NLRC5: variants seen among roughly 807,000 people sequenced by gnomAD.
NLRC5 encodes the protein protein NLRC5.
In NLRC5, 114 loss-of-function variants were observed where a neutral mutation model predicts 206.9. That is an observed-to-expected ratio of 0.55 (90% confidence interval 0.47 to 0.64). The LOEUF is 0.64. NLRC5 is among the 30% of genes least tolerant of loss of function. NLRC5 has a pLI of 0.00. For synonymous variants in NLRC5, 952 were observed against 962.8 expected (o/e 0.99, Z 0.21); for missense variants, 2,008 against 2,305.5 (o/e 0.87, Z 2.64).
chr16:57,071,773 G>A (rs527276936), intron 38 of NLRC5, among the ~76,000 whole-genome samples: 3 of 149,878 alleles, frequency 2.0e-5, no homozygotes, highest in Non-Finnish European at 4.5e-5. Context: ...AGTTGTGAGT[G>A]AGTGGTGGGG....
rs974091641 is a variant in NLRC5 at position 57,069,894 on chromosome 16, C to T, written c.4558C>T (p.His1520Tyr). ...CGCCCACCTGGCATCTGGTCTGGGC[C>T]ACTGCCACCACTTGGAGGAGCTGGA... ...GLAHLASGLG[H>Y]CHHLEELDLS... Residue 1520 changes from histidine (H) to tyrosine (Y), a missense_variant, in exon 37 of 49, where the codon CAC (histidine) becomes TAC (tyrosine). By Grantham distance (83) the His-to-Tyr change is moderately conservative. Coordinates refer to ENST00000688547, the MANE Select transcript of NLRC5 (RefSeq NM_001384950.1). 6.3e-7 allele frequency: 1 copy of T among 1,586,740 alleles called. No individual in the cohort carries two copies. Among genetic ancestry groups the T allele is most frequent in the Non-Finnish European group, 8.6e-7 (1 of 1,167,164 alleles).
At chr16:57,032,243 TA>T (rs76285413) in intron 11 of NLRC5, among the ~76,000 whole-genome samples, 17 of 145,684 alleles carry the variant, frequency 1.2e-4, no homozygotes, top group African/African-American at 1.3e-4. Context: ...ACCCCATCTC[TA>T]AAAAAAAAAG....
At chr16:57,044,403 G>A (rs551129026) in intron 20 of NLRC5, among the ~76,000 whole-genome samples, 1 of 152,220 alleles carries the variant, frequency 6.6e-6, no homozygotes, top group Admixed American at 6.5e-5. Context: ...GAATATAAAA[G>A]GGGAGGCACC....
chr16:57,069,736 A>G (rs1319325411), intron 36 of NLRC5, 100 bp from the exon 37 acceptor site: 2 of 916,538 alleles, frequency 2.2e-6, no homozygotes. Context: ...ATTGCCCGCC[A>G]CATCCCTACC....
chr16:57,077,415 G>T (rs764026521), intron 41 of NLRC5, 36 bp downstream of exon 41: 3 of 1,569,588 alleles, frequency 1.9e-6, no homozygotes, highest in Non-Finnish European at 2.6e-6. Context: ...GGCCACAGGG[G>T]TCACACGATG....
chr16:57,060,425 A>C (rs918132293), intron 30 of NLRC5, among the ~76,000 whole-genome samples: 11 of 151,364 alleles, frequency 7.3e-5, no homozygotes, highest in Admixed American at 5.3e-4. Context: ...ACCCAAACAC[A>C]CCACACAGCA....
intron 1 of NLRC5, chr16:57,013,252 C>T (rs16965037): frequency 0.42 from 226,299 of 535,096 alleles, 50,303 homozygotes; most frequent in Middle Eastern, 0.49. Flanking sequence ...CAATCTTTGG[C>T]ACTCCAGGAT....
At chr16:57,081,410 G>A in intron 47 of NLRC5, 117 bp from the exon 48 acceptor site, 3 of 1,022,950 alleles carry the variant, frequency 2.9e-6, no homozygotes, top group Non-Finnish European at 4.5e-6. Flanking sequence ...TCCCTGAGAA[G>A]GTAGTGTGGG....
chr16:57,077,753 G>C lies in NLRC5; in HGVS notation c.4954G>C (p.Val1652Leu), dbSNP rs1212138488. The C allele has an allele frequency of 1.9e-6, 3 of 1,604,196 alleles. No individual in the cohort carries two copies. Among genetic ancestry groups the C allele is most frequent in the Non-Finnish European group, 8.5e-7 (1 of 1,174,258 alleles). ...GAATAGCATCAGCTCAGCCGGGGGA[G>C]TGCAGTTGGCAGAGTCTCTCGTTCT... ...SGNSISSAGG[V>L]QLAESLVLCR... Residue 1652 changes from valine (V) to leucine (L), a missense_variant, in exon 42 of 49, where the codon GTG becomes CTG. Transcript: ENST00000688547.
rs2068873894 is a variant in NLRC5 at position 57,079,592 on chromosome 16, T to C, written c.5284T>C (p.Ser1762Pro). ...CAACCAGACTGCCAAGCTCCTCACC[T>C]CCAGCTTCACGAGCTGCCCTGCCCT... ...IDNQTAKLLT[S>P]SFTSCPALEV... Residue 1762 changes from serine (S) to proline (P), a missense_variant, in exon 46 of 49, where the codon TCC (serine) becomes CCC (proline). By Grantham distance (74) the Ser-to-Pro change is moderately conservative. Transcript: ENST00000688547. The C allele has an allele frequency of 1.2e-6, 2 of 1,613,840 alleles. No individual in the cohort carries two copies. The highest frequency in any genetic ancestry group is 1.7e-6 in the Non-Finnish European group (2 of 1,179,976).
chr16:57,061,673 G>A lies in NLRC5; in HGVS notation c.4126G>A (p.Gly1376Arg), dbSNP rs758525226. 10 of 1,609,060 alleles carry A rather than the reference G, an allele frequency of 6.2e-6. No individual in the cohort carries two copies. In the African/African-American group the frequency reaches 8.0e-5, roughly 13 times the overall value. Reference sequence around the variant, plus strand: ...GCTGGCCATCCTCCTGAGCTTGGTGGGGCGACCCGCAGGGCTGTTCAGCCT... The same window carrying A: ...GCTGGCCATCCTCCTGAGCTTGGTGAGGCGACCCGCAGGGCTGTTCAGCCT... ...KQLAILLSLV[G>R]RPAGLFSLRV... Residue 1376 changes from glycine (G) to arginine (R), a missense_variant, in exon 32 of 49, where the codon GGG becomes AGG. Coordinates refer to ENST00000688547, the MANE Select transcript of NLRC5 (RefSeq NM_001384950.1).
rs528068769 is a variant in NLRC5 at position 57,039,633 on chromosome 16, C to CTT, written c.2802-147_2802-146dup. ...TCAGGAGGCTGAAGTGGGAGGATTG[C>CTT]TTGAGCCCAGGAGGTGGAGGCTTCA... On this transcript the variant is annotated intron_variant, in intron 15 of 48. Coordinates refer to ENST00000688547, the MANE Select transcript of NLRC5 (RefSeq NM_001384950.1). 1,339 of 699,656 alleles carry CTT rather than the reference C, an allele frequency of 1.9e-3. 17 individuals are homozygous for CTT. In the African/African-American group the frequency reaches 0.021, roughly 11 times the overall value. The allele number at this position is 699,656 out of a possible 1,614,324, so 43.3% of individuals were successfully genotyped here.
intron 6 of NLRC5, among the ~76,000 whole-genome samples, chr16:57,027,648 C>T (rs2061389589): frequency 3.0e-5 from 1 of 32,866 alleles, no homozygotes; most frequent in East Asian, 4.6e-4. Context: ...TCCCATTTTG[C>T]TCCATTATCC....
intron 32 of NLRC5, chr16:57,062,257 A>G: frequency 2.3e-6 from 1 of 426,164 alleles, no homozygotes; most frequent in South Asian, 1.7e-5. Context: ...TTCAGTAATC[A>G]CAGTTCCATC....
At chr16:57,036,041 A>T in intron 13 of NLRC5, 59 bp from the exon 14 acceptor site, 1 of 1,480,002 alleles carries the variant, frequency 6.8e-7, no homozygotes, top group Non-Finnish European at 9.4e-7. Flanking sequence ...GGAGTAAGTG[A>T]TGGGGATTGA....
rs779130177 is a variant in NLRC5 at position 57,025,470 on chromosome 16, AT to A, written c.528del (p.Tyr176Ter). 6.2e-7 allele frequency: 1 copy of A among 1,612,480 alleles called. No homozygotes were observed. The highest frequency in any genetic ancestry group is 1.3e-5 in the African/African-American group (1 of 74,898). ...CAGCCCCACGCCTTCCACCAGGTCT[AT>A]GTCCCTCCAATCCTGCGCCGGGCCA... ...SGQPHAFHQV[Y>X]VPPILRRATA... On this transcript the variant is annotated frameshift_variant, in exon 6 of 49. Transcript: ENST00000688547. LOFTEE classifies it high-confidence loss of function.
chr16:57,026,798 G>A lies in NLRC5; in HGVS notation c.1855G>A (p.Val619Met). The change falls in exon 6 of 49, where the codon GTG becomes ATG. Residue 619 changes from valine (V) to methionine (M), a missense_variant. Physicochemically the swap from Val to Met is conservative, Grantham distance 21. Transcript: ENST00000688547. ...GPKVVELCHCVDETQEPELAS... is the reference protein window; with the variant it reads ...GPKVVELCHCMDETQEPELAS... Reference sequence around the variant, plus strand: ...AAAGGTTGTAGAGCTGTGTCACTGTGTGGATGAGACACAGGAGCCTGAGCT... The same window carrying A: ...AAAGGTTGTAGAGCTGTGTCACTGTATGGATGAGACACAGGAGCCTGAGCT... 2 of 1,614,116 alleles carry A rather than the reference G, an allele frequency of 1.2e-6. No individual in the cohort carries two copies. The highest frequency in any genetic ancestry group is 2.2e-5 in the East Asian group (1 of 44,882).
chr16:57,065,374 A>T, intron 33 of NLRC5, 76 bp downstream of exon 33: 2 of 1,056,240 alleles, frequency 1.9e-6, no homozygotes, highest in Non-Finnish European at 2.6e-6. Flanking sequence ...ACCTTCCCTC[A>T]TCCTGTGGGG....
chr16:57,060,391 A>G (rs1294003910), intron 30 of NLRC5, among the ~76,000 whole-genome samples: 4 of 151,208 alleles, frequency 2.6e-5, no homozygotes, highest in Admixed American at 6.6e-5. Flanking sequence ...ACACCAACCC[A>G]TATACCACAG....
Sources: allele counts gnomAD v4.1 joint callset (sites outside exome capture counted in the v4.1 genomes callset), GRCh38; gene constraint gnomAD v4.1.1; transcripts MANE v1.5; gene names NCBI Gene and HGNC (gene_info 2026-07-23, HGNC 2026-07-21).